The following TAOK3 variants were observed in gnomAD, a reference collection of about 807,000 sequenced individuals.
TAOK3 encodes the protein TAO kinase 3, also known as serine/threonine-protein kinase TAO3.
TAOK3 carries 40 observed loss-of-function variants against 120.4 expected under a neutral mutation model. That is an observed-to-expected ratio of 0.33 (90% confidence interval 0.26 to 0.43). TAOK3 has a LOEUF of 0.43. Among genes scored for constraint, TAOK3 ranks in the 20% least tolerant of loss-of-function variants. TAOK3 has a pLI of 1.00. For synonymous variants in TAOK3, 355 were observed against 387.5 expected, an observed-to-expected ratio of 0.92 and a Z score of 0.99; for missense variants, 821 against 1,112.1, an observed-to-expected ratio of 0.74 and a Z score of 3.72.
At chr12:118,221,569 T>C (rs752935828) in intron 9 of TAOK3, among the ~76,000 whole-genome samples, 1 of 151,748 alleles carries the variant, frequency 6.6e-6, no homozygotes, top group Non-Finnish European at 1.5e-5. Context: ...CTTCTACATA[T>C]GCAGCAGAAT....
chr12:118,164,922 A>C (rs2138481054), intron 17 of TAOK3, among the ~76,000 whole-genome samples: 1 of 152,350 alleles, frequency 6.6e-6, no homozygotes, highest in South Asian at 2.1e-4. Context: ...ACTAGAGTAC[A>C]GTCACTAATC....
chr12:118,360,835 G>C (rs1200934302), intron 1 of TAOK3, among the ~76,000 whole-genome samples: 1 of 152,110 alleles, frequency 6.6e-6, no homozygotes, highest in Non-Finnish European at 1.5e-5. Context: ...TGTAATAAGT[G>C]GTCACCAATT....
At chr12:118,351,121 G>A (rs2045131916) in intron 1 of TAOK3, among the ~76,000 whole-genome samples, 1 of 152,180 alleles carries the variant, frequency 6.6e-6, no homozygotes, top group African/African-American at 2.4e-5. Flanking sequence ...GGAGGCTGCA[G>A]TGAACTGAGA....
At chr12:118,362,951 G>A (rs544092677) in intron 1 of TAOK3, among the ~76,000 whole-genome samples, 9 of 149,112 alleles carry the variant, frequency 6.0e-5, no homozygotes, top group Admixed American at 2.7e-4. Context: ...CCTGGGAGGC[G>A]GAGGTGGCAG....
chr12:118,219,442 T>C (rs1410499523), intron 9 of TAOK3, among the ~76,000 whole-genome samples: 6 of 152,260 alleles, frequency 3.9e-5, no homozygotes, highest in Admixed American at 2.6e-4. Context: ...ATAATTTCAT[T>C]TCTACATGAA....
chr12:118,191,687 C>T (rs944378454), intron 13 of TAOK3, among the ~76,000 whole-genome samples: 2 of 152,128 alleles, frequency 1.3e-5, no homozygotes, highest in East Asian at 1.9e-4. Flanking sequence ...AGAGCGAGAA[C>T]GTGTGTAATT....
At chr12:118,215,819 A>C (rs1316703176) in intron 9 of TAOK3, among the ~76,000 whole-genome samples, 1 of 152,058 alleles carries the variant, frequency 6.6e-6, no homozygotes, top group Non-Finnish European at 1.5e-5. Flanking sequence ...TTGACCTTTC[A>C]GGCTCATGAG....
At chr12:118,296,698 C>T (rs538355371) in intron 1 of TAOK3, among the ~76,000 whole-genome samples, 1 of 152,246 alleles carries the variant, frequency 6.6e-6, no homozygotes, top group South Asian at 2.1e-4. Context: ...CATTCTCAAA[C>T]TTTTACAAAA....
intron 1 of TAOK3, among the ~76,000 whole-genome samples, chr12:118,332,045 G>C (rs1183402051): frequency 2.6e-5 from 4 of 152,116 alleles, no homozygotes; most frequent in African/African-American, 9.7e-5. Context: ...GGTTGGTCTC[G>C]ACCGCCTGAC....
chr12:118,218,508 T>C (rs1438296829), intron 9 of TAOK3, among the ~76,000 whole-genome samples: 2 of 152,164 alleles, frequency 1.3e-5, no homozygotes, highest in African/African-American at 4.8e-5. Flanking sequence ...AGATTACTTA[T>C]GATATCTAGT....
rs2040942206 is a variant in TAOK3 at position 118,255,507 on chromosome 12, C to T, written c.61G>A (p.Glu21Lys). 1 of 1,614,120 alleles carries T rather than the reference C, an allele frequency of 6.2e-7. No individual in the cohort carries two copies. The change falls in exon 3 of 21, where the codon GAG becomes AAG. Residue 21 changes from glutamate to lysine, a missense_variant. Glu to Lys is a moderately conservative substitution (Grantham distance 56). Around this residue, in one of 2 missense-constraint regions of TAOK3, gnomAD observed 467 missense variants for 540.0 expected, o/e 0.86. Transcript: ENST00000392533. The part of the protein sequence containing the change: ...IADLFYKDDP[E>K]ELFIGLHEIG... ...TCATGCAAACCAATAAAAAGTTCCT[C>T]AGGATCATCTTTGTAGAATAGATCG...
At position 118,201,308 on chromosome 12, in the gene TAOK3, C is replaced by A; in HGVS notation, c.975G>T (p.Gln325His). The part of the protein sequence containing the change: ...ETRNGPLNES[Q>H]EDEEDSEHGT... ...AAATTGAACCTACTTCCTCATCCTC[C>A]TGTGACTCATTCAAGGGTCCATTCC... Residue 325 changes from glutamine to histidine, a missense_variant, in exon 12 of 21, where the codon CAG becomes CAT. Gln to His is a conservative substitution (Grantham distance 24, BLOSUM62 0). Transcript: ENST00000392533. 6.2e-7 allele frequency: 1 copy of A among 1,613,292 alleles called. No individual in the cohort carries two copies. The highest frequency in any genetic ancestry group is 2.2e-5 in the East Asian group (1 of 44,870).
chr12:118,323,813 G>C (rs1355530116), intron 1 of TAOK3, among the ~76,000 whole-genome samples: 1 of 152,150 alleles, frequency 6.6e-6, no homozygotes, highest in Non-Finnish European at 1.5e-5. Flanking sequence ...TGGAGCAGGA[G>C]AACACAGGGA....
At chr12:118,318,378 G>A (rs1229895203) in intron 1 of TAOK3, among the ~76,000 whole-genome samples, 2 of 151,988 alleles carry the variant, frequency 1.3e-5, no homozygotes. Context: ...GGATGGTCTC[G>A]ATTTCTAGAC....
At chr12:118,306,794 T>C (rs1393518071) in intron 1 of TAOK3, among the ~76,000 whole-genome samples, 1 of 152,224 alleles carries the variant, frequency 6.6e-6, no homozygotes, top group Non-Finnish European at 1.5e-5. Flanking sequence ...ATCAAACTTT[T>C]GCTCTCAGAG....
chr12:118,202,773 CTTTTTTTTTT>C (rs58282262), intron 11 of TAOK3, among the ~76,000 whole-genome samples: 1 of 100,636 alleles, frequency 9.9e-6, no homozygotes, highest in African/African-American at 4.1e-5. Flanking sequence ...ATAGTCTATT[CTTTTTTTTTT>C]TTTTTTTTTT....
At chr12:118,251,716 C>A (rs1004066866) in intron 3 of TAOK3, among the ~76,000 whole-genome samples, 2 of 152,166 alleles carry the variant, frequency 1.3e-5, no homozygotes, top group African/African-American at 4.8e-5. Context: ...CCTAGTACAA[C>A]GTAGGTCTCA....
intron 1 of TAOK3, among the ~76,000 whole-genome samples, chr12:118,305,598 A>C (rs114744900): frequency 0.02 from 3,103 of 152,296 alleles, 108 homozygotes; most frequent in African/African-American, 0.071. Flanking sequence ...ATTTTTTACT[A>C]TTTTATGCAT....
chr12:118,201,985 C>T (rs369522481), intron 11 of TAOK3, among the ~76,000 whole-genome samples: 7 of 152,000 alleles, frequency 4.6e-5, no homozygotes, highest in African/African-American at 1.7e-4. Context: ...TTTCAACCAC[C>T]TTTCATTTTG....
Sources: gnomAD v4.1 joint callset for allele counts (sites outside exome capture counted in the v4.1 genomes callset) on GRCh38, gnomAD v4.1.1 for gene constraint, gnomAD v4.1.1 regional missense constraint, MANE v1.5 for transcripts, NCBI Gene and HGNC (gene_info 2026-07-23, HGNC 2026-07-21) for gene names.